Variants in DRC1 observed in about 807,000 individuals in gnomAD.
The protein encoded by DRC1 is dynein regulatory complex protein 1.
A neutral mutation model predicts 98.7 loss-of-function variants in DRC1; 74 were observed. The observed-to-expected ratio is 0.75, with a 90% confidence interval of 0.62 to 0.91. DRC1 has a LOEUF of 0.91. DRC1 is among the 40% of genes least tolerant of loss of function. The pLI is 0.00. For missense variants in DRC1, 875 were observed against 886.0 expected, an observed-to-expected ratio of 0.99 and a Z score of 0.16; for synonymous variants, 336 against 334.1, an observed-to-expected ratio of 1.01 and a Z score of -0.06.
rs909957512 is a variant in DRC1 at position 26,406,778 on chromosome 2, G to A, written c.155+4634G>A. Among the ~76,000 whole-genome samples the A allele has an allele frequency of 6.4e-5, 9 of 141,188 alleles. 1 individual carries two copies. Among genetic ancestry groups the A allele is most frequent in the Admixed American group, 1.4e-4 (2 of 14,254 alleles). The allele number at this position is 141,188 out of a possible 152,430, so 92.6% of individuals were successfully genotyped here. ...GATACTCCCAATCTCTGGTGTCTTA[G>A]TTTAGGTTTGACATTTCTGGGAGAT... On this transcript the variant is annotated intron_variant, in intron 1 of 16. Coordinates refer to ENST00000288710, the MANE Select transcript of DRC1 (RefSeq NM_145038.5).
intron 2 of DRC1, among the ~76,000 whole-genome samples, chr2:26,418,882 ATATAT>A (rs1484728017): frequency 7.1e-6 from 1 of 141,186 alleles, no homozygotes; most frequent in East Asian, 2.0e-4. Context: ...TATATATTAT[ATATAT>A]TATATTATAT....
intron 8 of DRC1, among the ~76,000 whole-genome samples, chr2:26,441,304 T>C (rs1428413540): frequency 6.6e-6 from 1 of 152,212 alleles, no homozygotes; most frequent in Non-Finnish European, 1.5e-5. Flanking sequence ...TTAATTCCAC[T>C]TGTAGGTTGG....
At chr2:26,408,901 G>A (rs947216573) in intron 1 of DRC1, among the ~76,000 whole-genome samples, 2 of 151,938 alleles carry the variant, frequency 1.3e-5, no homozygotes, top group Admixed American at 6.6e-5. Context: ...CACAGCTCCC[G>A]TCAGCTTTAA....
chr2:26,432,599 G>A (rs111641681), intron 7 of DRC1, among the ~76,000 whole-genome samples: 4 of 26,988 alleles, frequency 1.5e-4, no homozygotes, highest in South Asian at 1.1e-3. Context: ...AGGAAAGAAA[G>A]AAAAAAAAAG....
intron 13 of DRC1, 71 bp downstream of exon 13, chr2:26,450,752 T>C (rs1663983893): frequency 2.2e-6 from 3 of 1,334,570 alleles, no homozygotes; most frequent in Non-Finnish European, 3.0e-6. Context: ...TATTATACTT[T>C]AAGTTCTGGG....
intron 5 of DRC1, chr2:26,430,405 C>G (rs1287902971): frequency 2.3e-6 from 1 of 427,350 alleles, no homozygotes; most frequent in Non-Finnish European, 4.9e-6. Context: ...TTTCATGCTG[C>G]CTTTGCTTCA....
chr2:26,444,119 G>T, intron 8 of DRC1, 103 bp from the exon 9 acceptor site: 1 of 1,523,318 alleles, frequency 6.6e-7, no homozygotes, highest in South Asian at 1.2e-5. Context: ...CTCTTCCACA[G>T]ATCTGCTCCT....
At position 26,401,953 on chromosome 2, in the gene DRC1, T is replaced by C. The variant is rs1678253023; in HGVS notation, c.-37T>C. ...CAACCAGCCTGAGGTCTGGAGGTGG[T>C]GCGGAGGGAGCCGCCTAGGGACCAG... On this transcript the variant is annotated 5_prime_UTR_variant, in exon 1 of 17. Coordinates refer to ENST00000288710, the MANE Select transcript of DRC1 (RefSeq NM_145038.5). The C allele has an allele frequency of 6.4e-7, 1 of 1,563,264 alleles. No individual in the cohort carries two copies. The highest frequency in any genetic ancestry group is 1.4e-5 in the African/African-American group (1 of 73,780).
At chr2:26,403,413 CCT>C in intron 1 of DRC1, among the ~76,000 whole-genome samples, 1 of 152,166 alleles carries the variant, frequency 6.6e-6, no homozygotes, top group East Asian at 1.9e-4. Context: ...CTAAAAATCC[CCT>C]GTGCTCTGCT....
At chr2:26,419,595 A>G (rs781349722) in intron 2 of DRC1, among the ~76,000 whole-genome samples, 9 of 152,342 alleles carry the variant, frequency 5.9e-5, no homozygotes, top group Admixed American at 2.0e-4. Flanking sequence ...CAATGAAACT[A>G]CATTTCAAAT....
In DRC1 at chr2:26,429,706, A is replaced by C. The variant is rs763821318; in HGVS notation, c.619A>C (p.Met207Leu). 2 of 1,614,160 alleles carry C rather than the reference A, an allele frequency of 1.2e-6. No homozygotes were observed. The highest frequency in any genetic ancestry group is 1.7e-6 in the Non-Finnish European group (2 of 1,180,012). Residue 207 changes from methionine (M) to leucine (L), a missense_variant, in exon 5 of 17, where the codon ATG becomes CTG. Transcript: ENST00000288710. Reference sequence around the variant, plus strand: ...TGACATCTGCCTGCTTCTGGAGCGGATGGAAGAACAGGTGAAGAATGTGAT... The same window carrying C: ...TGACATCTGCCTGCTTCTGGAGCGGCTGGAAGAACAGGTGAAGAATGTGAT... Reference protein sequence around the residue: ...SDDICLLLERMEEQVKNVMKT... With the variant: ...SDDICLLLERLEEQVKNVMKT...
chr2:26,435,748 AT>A (rs1663552763), intron 7 of DRC1, among the ~76,000 whole-genome samples: 2 of 144,828 alleles, frequency 1.4e-5, no homozygotes, highest in African/African-American at 5.1e-5. Flanking sequence ...ACATATTCTC[AT>A]TCTTTTTTTT....
At chr2:26,429,478 T>G in intron 4 of DRC1, 150 bp from the exon 5 acceptor site, 3 of 985,344 alleles carry the variant, frequency 3.0e-6, no homozygotes, top group East Asian at 2.6e-5. Flanking sequence ...AGTGCTGAGA[T>G]TATAGGTGTG....
chr2:26,430,958 CTTTTTTTTTT>C lies in DRC1; in HGVS notation c.765+97_765+106del, dbSNP rs5830013. ...AATTTGCTAGCTAGCCTTTTTCTAT[CTTTTTTTTTT>C]TTTTTTTTTTGAGATGGAATCTTGC... On this transcript the variant is annotated intron_variant, in intron 6 of 16. Coordinates refer to ENST00000288710, the MANE Select transcript of DRC1 (RefSeq NM_145038.5). 1.2e-5 allele frequency: 4 copies of C among 344,850 alleles called. 1 individual carries two copies. The highest frequency in any genetic ancestry group is 1.3e-4 in the Admixed American group (2 of 15,368). 21.4% of individuals were successfully genotyped at this position (344,850 alleles called of 1,614,324 possible). A position where few individuals can be genotyped will look rare whatever the true frequency, so the allele number is the denominator to read the frequency against.
chr2:26,420,703 TCATATTATGA>T (rs1663114948), intron 2 of DRC1, among the ~76,000 whole-genome samples: 1 of 152,098 alleles, frequency 6.6e-6, no homozygotes, highest in Non-Finnish European at 1.5e-5. Context: ...CCAGGCCTCA[TCATATTATGA>T]CTGGATACTG....
intron 5 of DRC1, among the ~76,000 whole-genome samples, chr2:26,430,073 T>C (rs2147991065): frequency 6.6e-6 from 1 of 152,280 alleles, no homozygotes; most frequent in Non-Finnish European, 1.5e-5. Flanking sequence ...AAATATATTA[T>C]TTTACAGGTG....
intron 2 of DRC1, among the ~76,000 whole-genome samples, chr2:26,417,977 A>G (rs1226126398): frequency 2.0e-5 from 3 of 151,634 alleles, no homozygotes; most frequent in Non-Finnish European, 2.9e-5. Flanking sequence ...TATATCTTCT[A>G]TTTTTTTCTT....
At position 26,454,648 on chromosome 2, in the gene DRC1, G is replaced by A; in HGVS notation, c.1921G>A (p.Asp641Asn). The A allele has an allele frequency of 6.2e-7, 1 of 1,614,062 alleles. No homozygotes were observed. The highest frequency in any genetic ancestry group is 2.2e-5 in the East Asian group (1 of 44,866). The change falls in exon 15 of 17, where the codon GAC (aspartate) becomes AAC (asparagine). Residue 641 changes from aspartate (D) to asparagine (N), a missense_variant and splice_region_variant. By Grantham distance (23) the Asp-to-Asn change is conservative (BLOSUM62 1). Transcript: ENST00000288710. The surrounding 1 kb of genome is among the most constrained non-coding windows in gnomAD (Gnocchi z 5.2). ...AATCACTGTGCTCTTGGCCTTCAGG[G>A]ACTCGCGGGCCCCGCTGAGGGTACA... Reference protein sequence around the residue: ...AFVMGLKKPRDSRAPLRVQKN... With the variant: ...AFVMGLKKPRNSRAPLRVQKN...
chr2:26,421,909 CG>C (rs1344340028), intron 3 of DRC1, among the ~76,000 whole-genome samples: 6 of 152,146 alleles, frequency 3.9e-5, no homozygotes, highest in Non-Finnish European at 8.8e-5. Context: ...ATTGCTGATA[CG>C]TGCCAAGCTG....
Sources: allele counts gnomAD v4.1 joint callset (sites outside exome capture counted in the v4.1 genomes callset), GRCh38; gene constraint gnomAD v4.1.1; non-coding constraint Gnocchi (gnomAD v3.1); transcripts MANE v1.5; gene names NCBI Gene and HGNC (gene_info 2026-07-23, HGNC 2026-07-21).